KIF26B: variants seen among roughly 807,000 people sequenced by gnomAD.
KIF26B encodes kinesin family member 26B, also known as kinesin-like protein KIF26B.
In KIF26B, 63 loss-of-function variants were observed where a neutral mutation model predicts 151.2. The ratio of observed to expected loss-of-function variants is 0.42; its 90% CI spans 0.34 to 0.51. The LOEUF is 0.51. KIF26B is among the 20% of genes least tolerant of loss of function. The probability of loss-of-function intolerance (pLI) is 0.07; values close to 1 mark genes in which losing one functional copy is unlikely to be tolerated. For synonymous variants in KIF26B, 1,357 were observed against 1,262.1 expected (o/e 1.08, Z -1.59); for missense variants, 2,813 against 2,913.6 (o/e 0.97, Z 0.79).
At chr1:245,387,082 C>A (rs890578845) in intron 3 of KIF26B, among the ~76,000 whole-genome samples, 1 of 152,076 alleles carries the variant, frequency 6.6e-6, no homozygotes, top group African/African-American at 2.4e-5. Flanking sequence ...GAACGGTAAT[C>A]CAGAAACAAG....
Position 245,577,459 on chromosome 1 carries a change from A to G in KIF26B, c.1351-25118A>G, listed in dbSNP as rs948943952. ...CAGAGAATTAGTCAAGAGCACTTCC[A>G]CAATCTCCAGGGAGAGAAGAGGGTT... On this transcript the variant is annotated intron_variant, in intron 5 of 14. Coordinates refer to ENST00000407071, the MANE Select transcript of KIF26B (RefSeq NM_018012.4). Among the ~76,000 whole-genome samples, 3 of 152,226 alleles carry G rather than the reference A, an allele frequency of 2.0e-5. No homozygotes were observed. In the South Asian group the frequency reaches 6.2e-4, roughly 31 times the overall value.
rs936969112 is a variant in KIF26B at position 245,606,277 on chromosome 1, G to C, written c.1558-1374G>C. On this transcript the variant is annotated intron_variant, in intron 6 of 14. Coordinates refer to ENST00000407071, the MANE Select transcript of KIF26B (RefSeq NM_018012.4). This position sits in a 1 kb window ranked among gnomAD's most constrained non-coding sequence, Gnocchi z 4.6. Reference sequence around the variant, plus strand: ...GGTTTTTCAATTTTAGTTTAGGAGAGAAAACTGATTTCCAAATACTTGGGT... The same window carrying C: ...GGTTTTTCAATTTTAGTTTAGGAGACAAAACTGATTTCCAAATACTTGGGT... 2.0e-5 allele frequency among the ~76,000 whole-genome samples: 3 copies of C among 152,148 alleles called. No individual in the cohort carries two copies. Among genetic ancestry groups the C allele is most frequent in the African/African-American group, 7.2e-5 (3 of 41,450 alleles).
intron 4 of KIF26B, among the ~76,000 whole-genome samples, chr1:245,468,353 C>T (rs1021859060): frequency 2.0e-5 from 3 of 152,072 alleles, no homozygotes; most frequent in Non-Finnish European, 4.4e-5. Flanking sequence ...AGAATATCTA[C>T]GCCCTCTCTG....
intron 10 of KIF26B, among the ~76,000 whole-genome samples, chr1:245,670,802 G>A (rs778726081): frequency 4.6e-5 from 7 of 152,148 alleles, no homozygotes; most frequent in South Asian, 4.1e-4. Flanking sequence ...AAATAAGCAC[G>A]TCATGGAGAA....
At chr1:245,256,441 C>T (rs1182179779) in intron 2 of KIF26B, among the ~76,000 whole-genome samples, 2 of 152,216 alleles carry the variant, frequency 1.3e-5, no homozygotes, top group Non-Finnish European at 1.5e-5. Flanking sequence ...GATGAGGAAG[C>T]TGAGGCCAAG....
chr1:245,303,389 G>A (rs932990815), intron 2 of KIF26B, among the ~76,000 whole-genome samples: 9 of 150,566 alleles, frequency 6.0e-5, no homozygotes, highest in South Asian at 2.1e-4. Context: ...TAGTAGAGAC[G>A]GGGTTTCACC....
chr1:245,319,770 T>C (rs77421157), intron 2 of KIF26B, among the ~76,000 whole-genome samples: 2,690 of 152,258 alleles, frequency 0.018, 89 homozygotes, highest in African/African-American at 0.06. Flanking sequence ...GGTCTCTTTC[T>C]AAAATCAGGT....
intron 4 of KIF26B, among the ~76,000 whole-genome samples, chr1:245,476,518 A>ATTTT (rs1660042911): frequency 7.7e-6 from 1 of 129,824 alleles, no homozygotes; most frequent in Non-Finnish European, 1.7e-5. Context: ...TTATTTATTT[A>ATTTT]TTTATTTATT....
At position 245,398,647 on chromosome 1, in the gene KIF26B, C is replaced by T. The variant is rs190096572; in HGVS notation, c.1000-20932C>T. ...CCCAGTCATCACTCTGCATTTTCTA[C>T]GCAAAAGTCCAGGGGCTTGCTATTG... On this transcript the variant is annotated intron_variant, in intron 3 of 14. Coordinates refer to ENST00000407071, the MANE Select transcript of KIF26B (RefSeq NM_018012.4). Among the ~76,000 whole-genome samples, 362 of 152,038 alleles carry T rather than the reference C, an allele frequency of 2.4e-3. 8 individuals are homozygous for T. Among genetic ancestry groups the T allele is most frequent in the Admixed American group, 0.023 (344 of 15,266 alleles).
chr1:245,225,292 G>A (rs1298081093), intron 2 of KIF26B, among the ~76,000 whole-genome samples: 1 of 152,212 alleles, frequency 6.6e-6, no homozygotes, highest in Non-Finnish European at 1.5e-5. Context: ...CCAAGGAGAA[G>A]GGTCCTGGGG....
chr1:245,443,206 C>T (rs540687603), intron 4 of KIF26B, among the ~76,000 whole-genome samples: 47 of 150,560 alleles, frequency 3.1e-4, no homozygotes, highest in African/African-American at 1.1e-3. Context: ...CTAGAGCTGT[C>T]ATCTCCCTCA....
chr1:245,696,195 G>T (rs1234078763), intron 12 of KIF26B, among the ~76,000 whole-genome samples: 1 of 152,252 alleles, frequency 6.6e-6, no homozygotes, highest in Non-Finnish European at 1.5e-5. Context: ...TTCAAAAGTA[G>T]GTTATAAAAG....
At chr1:245,341,088 G>A (rs1252665530) in intron 2 of KIF26B, among the ~76,000 whole-genome samples, 3 of 151,998 alleles carry the variant, frequency 2.0e-5, no homozygotes, top group African/African-American at 2.4e-5. Flanking sequence ...AGATGTTCTC[G>A]TTTTTCCCTT....
At chr1:245,590,149 G>A (rs1398470016) in intron 5 of KIF26B, among the ~76,000 whole-genome samples, 2 of 152,074 alleles carry the variant, frequency 1.3e-5, no homozygotes, top group Non-Finnish European at 2.9e-5. Context: ...GGTGCCCAAC[G>A]TGGCAGGGAG....
At chr1:245,640,122 G>GCTCGCTCGCTCTCTCT (rs1553299289) in intron 9 of KIF26B, among the ~76,000 whole-genome samples, 1 of 53,974 alleles carries the variant, frequency 1.9e-5, no homozygotes, top group Non-Finnish European at 3.6e-5. Context: ...ACTAATATTT[G>GCTCGCTCGCTCTCTCT]CTCTCTCTCT....
intron 2 of KIF26B, among the ~76,000 whole-genome samples, chr1:245,238,361 A>T (rs1431437692): frequency 6.6e-6 from 1 of 152,138 alleles, no homozygotes; most frequent in Non-Finnish European, 1.5e-5. Context: ...GTCATTTGAG[A>T]ATCACAAAAC....
In KIF26B at chr1:245,241,515, G is replaced by C. The variant is rs560392182; in HGVS notation, c.465+84832G>C. On this transcript the variant is annotated intron_variant, in intron 2 of 14. Coordinates refer to ENST00000407071, the MANE Select transcript of KIF26B (RefSeq NM_018012.4). This position sits in a 1 kb window ranked among gnomAD's most constrained non-coding sequence, Gnocchi z 5.0. ...CAGAATCCCAGGACCCCCAAAGTGG[G>C]AGAAGGGCTCCCAGGTGCCTTACAG... Among the ~76,000 whole-genome samples, 3 of 152,324 alleles carry C rather than the reference G, an allele frequency of 2.0e-5. No individual in the cohort carries two copies. In the East Asian group the frequency reaches 5.8e-4, roughly 29 times the overall value.
In KIF26B at chr1:245,419,711, A is replaced by G; in HGVS notation, c.1132A>G (p.Thr378Ala). 1.2e-6 allele frequency: 2 copies of G among 1,613,400 alleles called. No individual in the cohort carries two copies. Among genetic ancestry groups the G allele is most frequent in the Non-Finnish European group, 1.7e-6 (2 of 1,179,598 alleles). ...QGSCVASETS[T>A]GTSVAASFFA... ...CTCCTGCGTGGCCAGCGAGACTTCC[A>G]CAGGCACATCGGTGGCCGCCTCCTT... is the stretch of plus-strand genomic sequence containing the variant. Residue 378 changes from threonine to alanine, a missense_variant, in exon 4 of 15, where the codon ACA becomes GCA. Coordinates refer to ENST00000407071, the MANE Select transcript of KIF26B (RefSeq NM_018012.4).
intron 4 of KIF26B, among the ~76,000 whole-genome samples, chr1:245,461,592 C>T (rs1266449001): frequency 6.6e-6 from 1 of 152,068 alleles, no homozygotes; most frequent in East Asian, 1.9e-4. Context: ...TCCTTTGCTC[C>T]CATCACCTCC....
Sources: gnomAD v4.1 joint callset for allele counts (sites outside exome capture counted in the v4.1 genomes callset) on GRCh38, gnomAD v4.1.1 for gene constraint, Gnocchi (gnomAD v3.1) non-coding constraint, MANE v1.5 for transcripts, NCBI Gene and HGNC (gene_info 2026-07-23, HGNC 2026-07-21) for gene names.